LIMS1: variants seen among roughly 807,000 people sequenced by gnomAD.
LIMS1 encodes the protein LIM and senescent cell antigen-like-containing domain protein 1.
A neutral mutation model predicts 44.1 loss-of-function variants in LIMS1; 18 were observed. The observed-to-expected ratio is 0.41, with a 90% CI of 0.28 to 0.61. LIMS1 has a LOEUF of 0.61. Ranked by LOEUF, LIMS1 falls within the 20% of genes least tolerant of loss-of-function variation. LIMS1 has a pLI of 0.32. For synonymous variants in LIMS1, 93 were observed against 149.1 expected (o/e 0.62, Z 2.74); for missense variants, 201 against 422.0 (o/e 0.48, Z 4.59).
chr2:108,552,039 A>G (rs1162089160), intron 1 of LIMS1, among the ~76,000 whole-genome samples: 3 of 145,794 alleles, frequency 2.1e-5, no homozygotes, highest in Non-Finnish European at 3.0e-5. Flanking sequence ...TGTGAGAAGT[A>G]CAGAGGTCTC....
intron 1 of LIMS1, among the ~76,000 whole-genome samples, chr2:108,613,626 G>C (rs143963944): frequency 7.0e-4 from 106 of 152,218 alleles, no homozygotes; most frequent in African/African-American, 2.5e-3. Flanking sequence ...CCTTACCCTG[G>C]GGCCTTTGCT....
intron 1 of LIMS1, among the ~76,000 whole-genome samples, chr2:108,569,739 T>A: frequency 6.8e-6 from 1 of 146,302 alleles, no homozygotes; most frequent in East Asian, 2.4e-4. Flanking sequence ...ATTATAGCAT[T>A]ACAAACACTC....
chr2:108,534,405 C>G, exon 1 of LIMS1: 1 of 374,006 alleles, frequency 2.7e-6, no homozygotes, highest in East Asian at 5.9e-5. Flanking sequence ...CTCGCCTTCC[C>G]CCCCCTCCCG....
intron 1 of LIMS1, among the ~76,000 whole-genome samples, chr2:108,573,432 C>T (rs1390229558): frequency 6.6e-6 from 1 of 151,948 alleles, no homozygotes; most frequent in Non-Finnish European, 1.5e-5. Context: ...CTAACAGTTG[C>T]TCTTGAATAC....
chr2:108,685,181 TGA>T (rs1693235389), exon 10 of LIMS1: 1 of 152,172 alleles, frequency 6.6e-6, no homozygotes, highest in Admixed American at 6.5e-5. Context: ...ATAATTAATT[TGA>T]TTTATTTACT....
intron 1 of LIMS1, among the ~76,000 whole-genome samples, chr2:108,616,595 G>A (rs1456802956): frequency 1.3e-5 from 2 of 152,120 alleles, no homozygotes; most frequent in African/African-American, 4.8e-5. Flanking sequence ...AGTTCAGAGG[G>A]GCTTGTAGAC....
At chr2:108,657,731 T>C (rs1488567532) in intron 1 of LIMS1, among the ~76,000 whole-genome samples, 1 of 152,294 alleles carries the variant, frequency 6.6e-6, no homozygotes, top group Non-Finnish European at 1.5e-5. Context: ...CCTTTCTCCC[T>C]TCCTTCCTTT....
chr2:108,611,677 C>T (rs755506974), intron 1 of LIMS1, among the ~76,000 whole-genome samples: 6 of 151,644 alleles, frequency 4.0e-5, no homozygotes, highest in African/African-American at 7.3e-5. Context: ...CTCAGGAGTT[C>T]GAGACCAGCC....
At chr2:108,680,973 A>G (rs1692954968) in intron 9 of LIMS1, 3 of 1,284,498 alleles carry the variant, frequency 2.3e-6, no homozygotes, top group Non-Finnish European at 3.0e-6. Context: ...TCAAAGGGAT[A>G]AGTTTGTTGA....
intron 1 of LIMS1, among the ~76,000 whole-genome samples, chr2:108,544,199 G>T (rs930469513): frequency 6.6e-5 from 10 of 152,182 alleles, no homozygotes; most frequent in African/African-American, 2.4e-4. Flanking sequence ...TTCTTAGCAG[G>T]TAGAGGTGTA....
At chr2:108,645,728 T>C (rs1014846062) in intron 1 of LIMS1, among the ~76,000 whole-genome samples, 1 of 151,782 alleles carries the variant, frequency 6.6e-6, no homozygotes, top group Non-Finnish European at 1.5e-5. Context: ...GACCCATCAG[T>C]GTGCTGTATT....
At chr2:108,544,133 A>G (rs533049973) in intron 1 of LIMS1, among the ~76,000 whole-genome samples, 2 of 152,310 alleles carry the variant, frequency 1.3e-5, no homozygotes, top group East Asian at 1.9e-4. Flanking sequence ...GTTAGTAGTT[A>G]TTATAGATTA....
intron 1 of LIMS1, among the ~76,000 whole-genome samples, chr2:108,656,519 T>A (rs1298265359): frequency 3.3e-5 from 5 of 151,262 alleles, no homozygotes; most frequent in African/African-American, 4.8e-5. Flanking sequence ...AATCAACATT[T>A]AAAAAAAAAA....
intron 5 of LIMS1, chr2:108,673,739 ATATCAACT>A (rs1449825680): frequency 6.6e-6 from 1 of 152,160 alleles, no homozygotes; most frequent in Non-Finnish European, 1.5e-5. Flanking sequence ...TAATCTTATA[ATATCAACT>A]ATCAGTCCAT....
intron 1 of LIMS1, among the ~76,000 whole-genome samples, chr2:108,559,187 T>C (rs566157118): frequency 4.3e-4 from 66 of 152,320 alleles, no homozygotes; most frequent in Non-Finnish European, 7.2e-4. Flanking sequence ...TAAAGTTCTC[T>C]GTAGAAGGCT....
At position 108,606,193 on chromosome 2, in the gene LIMS1, A is replaced by G. The variant is rs535819215; in HGVS notation, c.33-53412A>G. Among the ~76,000 whole-genome samples the G allele has an allele frequency of 6.9e-4, 105 of 152,362 alleles. 1 individual carries two copies. Among genetic ancestry groups the G allele is most frequent in the Non-Finnish European group, 1.6e-4 (11 of 68,036 alleles). On this transcript the variant is annotated intron_variant, in intron 1 of 9. Transcript: ENST00000544547. ...TCTAGGAGAGAACACATTACTTATG[A>G]AAGCTAGATATTTTAGTTTGCAAGT...
At chr2:108,638,392 G>A (rs1010622238) in intron 1 of LIMS1, among the ~76,000 whole-genome samples, 1 of 152,206 alleles carries the variant, frequency 6.6e-6, no homozygotes, top group African/African-American at 2.4e-5. Flanking sequence ...CTTCTCTCAA[G>A]ATGTCCAGTT....
intron 1 of LIMS1, among the ~76,000 whole-genome samples, chr2:108,647,934 T>A (rs2148936793): frequency 6.6e-6 from 1 of 152,276 alleles, no homozygotes; most frequent in African/African-American, 2.4e-5. Context: ...TTACCACTCC[T>A]ATTCAACATA....
chr2:108,679,603 A>G (rs775269351), intron 8 of LIMS1, among the ~76,000 whole-genome samples: 4 of 152,134 alleles, frequency 2.6e-5, no homozygotes, highest in Non-Finnish European at 4.4e-5. Flanking sequence ...TCCTGCACAT[A>G]CTGAGCAACA....
Sources: allele counts gnomAD v4.1 joint callset (sites outside exome capture counted in the v4.1 genomes callset), GRCh38; gene constraint gnomAD v4.1.1; transcripts MANE v1.5; gene names NCBI Gene and HGNC (gene_info 2026-07-23, HGNC 2026-07-21).